The following PDE1C variants were observed in gnomAD, a reference collection of about 807,000 sequenced individuals.
PDE1C encodes the protein dual specificity calcium/calmodulin-dependent 3',5'-cyclic nucleotide phosphodiesterase 1C.
In PDE1C, 62 loss-of-function variants were observed where a neutral mutation model predicts 93.1. That is an observed-to-expected ratio of 0.67 (90% CI 0.54 to 0.82). The LOEUF is 0.82. Ranked by LOEUF, PDE1C falls within the 40% of genes least tolerant of loss-of-function variation. The pLI is 0.00. For synonymous variants in PDE1C, 325 were observed against 310.1 expected, an observed-to-expected ratio of 1.05 and a Z score of -0.50; for missense variants, 742 against 884.6, an observed-to-expected ratio of 0.84 and a Z score of 2.04.
intron 1 of PDE1C, among the ~76,000 whole-genome samples, chr7:32,239,896 T>C (rs2128868833): frequency 6.6e-6 from 1 of 152,342 alleles, no homozygotes; most frequent in Non-Finnish European, 1.5e-5. Flanking sequence ...TATGCAGAGA[T>C]GTCACTTGTA....
intron 2 of PDE1C, among the ~76,000 whole-genome samples, chr7:31,934,594 G>A (rs1003831222): frequency 6.6e-6 from 1 of 151,684 alleles, no homozygotes; most frequent in African/African-American, 2.4e-5. Flanking sequence ...GCTTACGTGA[G>A]TTGATACTGG....
chr7:32,126,200 T>TATAG (rs1563334248), intron 3 of PDE1C, among the ~76,000 whole-genome samples: 1 of 101,424 alleles, frequency 9.9e-6, no homozygotes, highest in African/African-American at 3.7e-5. Flanking sequence ...AATCCACTAT[T>TATAG]CTAGATAGAT....
chr7:31,971,005 G>A (rs1242606388), intron 2 of PDE1C, among the ~76,000 whole-genome samples: 1 of 152,124 alleles, frequency 6.6e-6, no homozygotes, highest in Non-Finnish European at 1.5e-5. Context: ...AGCCAGGTGT[G>A]GTAGCACATG....
intron 1 of PDE1C, among the ~76,000 whole-genome samples, chr7:32,240,456 TGGTG>T (rs1329976956): frequency 5.9e-5 from 9 of 152,092 alleles, no homozygotes; most frequent in African/African-American, 1.9e-4. Context: ...ATATGTCAGA[TGGTG>T]TTGTTTACTA....
At chr7:31,883,176 CAG>C (rs1797453431) in intron 2 of PDE1C, among the ~76,000 whole-genome samples, 1 of 152,146 alleles carries the variant, frequency 6.6e-6, no homozygotes, top group East Asian at 1.9e-4. Context: ...TCTACATCTA[CAG>C]AGTTACCAAG....
chr7:31,692,564 A>C, the PDE1C span: 1 of 1,539,254 alleles, frequency 6.5e-7, no homozygotes, highest in East Asian at 2.2e-5. Context: ...GGTGGAAGTC[A>C]GAGAAGAGGC....
chr7:32,066,750 CA>C (rs1050269773), intron 1 of PDE1C, among the ~76,000 whole-genome samples: 3 of 151,856 alleles, frequency 2.0e-5, no homozygotes, highest in Non-Finnish European at 2.9e-5. Flanking sequence ...CAGAGGGACA[CA>C]AAAAAGTAAT....
At chr7:31,902,109 A>C (rs1429656144) in intron 2 of PDE1C, among the ~76,000 whole-genome samples, 2 of 151,678 alleles carry the variant, frequency 1.3e-5, no homozygotes, top group Non-Finnish European at 3.0e-5. Context: ...AGAAAAGACC[A>C]ATAGAGCAAA....
At chr7:32,314,541 G>T (rs1783128293) in intron 1 of PDE1C, among the ~76,000 whole-genome samples, 1 of 152,176 alleles carries the variant, frequency 6.6e-6, no homozygotes, top group African/African-American at 2.4e-5. Flanking sequence ...CATGAGGAAG[G>T]GAATGTGGTT....
chr7:32,089,688 T>C (rs1359435192), intron 3 of PDE1C, among the ~76,000 whole-genome samples: 2 of 152,140 alleles, frequency 1.3e-5, no homozygotes, highest in Non-Finnish European at 2.9e-5. Context: ...AGGGAGTGCA[T>C]ACTGCACAGC....
At chr7:31,715,477 G>C in the PDE1C span, among the ~76,000 whole-genome samples, 1 of 152,234 alleles carries the variant, frequency 6.6e-6, no homozygotes, top group South Asian at 2.1e-4. Flanking sequence ...GACCTCAAGT[G>C]ATCTGCCTGT....
chr7:31,954,798 G>A (rs1807898673), intron 2 of PDE1C, among the ~76,000 whole-genome samples: 2 of 152,148 alleles, frequency 1.3e-5, no homozygotes, highest in African/African-American at 4.8e-5. Context: ...GCTATTAAAA[G>A]TAATGACAAA....
chr7:32,157,018 T>G (rs993621727), intron 3 of PDE1C, among the ~76,000 whole-genome samples: 2 of 152,218 alleles, frequency 1.3e-5, no homozygotes, highest in African/African-American at 4.8e-5. Flanking sequence ...GTGTCACTTA[T>G]GTAGTATCCC....
the PDE1C span, among the ~76,000 whole-genome samples, chr7:31,650,482 G>A: frequency 3.3e-4 from 50 of 152,244 alleles, no homozygotes; most frequent in African/African-American, 1.2e-3. Flanking sequence ...AGAGTTAAAC[G>A]ATGACTACAT....
intron 1 of PDE1C, among the ~76,000 whole-genome samples, chr7:32,272,396 G>GA (rs1005650482): frequency 6.6e-6 from 1 of 152,062 alleles, no homozygotes; most frequent in African/African-American, 2.4e-5. Flanking sequence ...GGGAATTTCA[G>GA]AAAAAAAGTG....
the PDE1C span, among the ~76,000 whole-genome samples, chr7:31,677,089 C>T: frequency 1.3e-5 from 2 of 152,040 alleles, no homozygotes; most frequent in African/African-American, 2.4e-5. Flanking sequence ...AAATGTGTAG[C>T]AGTAAAATTA....
chr7:32,370,896 G>C lies in PDE1C; in HGVS notation c.310+56926C>G, dbSNP rs561592038. Reference sequence around the variant, plus strand: ...AATACTATTCAGCCACAAAAAGAATGAAATCCTGCCATTTGCACCAGCATA... The same window carrying C: ...AATACTATTCAGCCACAAAAAGAATCAAATCCTGCCATTTGCACCAGCATA... On this transcript the variant is annotated intron_variant, in intron 1 of 1. Coordinates refer to the PDE1C transcript ENST00000672256. Among the ~76,000 whole-genome samples the C allele has an allele frequency of 9.2e-5, 14 of 151,838 alleles. No homozygotes were observed. In the South Asian group the frequency reaches 2.1e-3, roughly 23 times the overall value.
intron 15 of PDE1C, among the ~76,000 whole-genome samples, chr7:31,814,604 C>T (rs1787992481): frequency 6.6e-6 from 1 of 151,210 alleles, no homozygotes; most frequent in Admixed American, 6.6e-5. Flanking sequence ...TGACCACGGC[C>T]CTGTGGCATA....
At chr7:31,731,648 A>G in the PDE1C span, among the ~76,000 whole-genome samples, 2 of 152,174 alleles carry the variant, frequency 1.3e-5, no homozygotes, top group East Asian at 3.8e-4. Context: ...TCGGCCTCCC[A>G]AAGTACTGAG....
Sources: allele counts gnomAD v4.1 joint callset (sites outside exome capture counted in the v4.1 genomes callset), GRCh38; gene constraint gnomAD v4.1.1; transcripts MANE v1.5; gene names NCBI Gene and HGNC (gene_info 2026-07-23, HGNC 2026-07-21).